ZNF670: variants seen among roughly 807,000 people sequenced by gnomAD.
ZNF670 encodes the protein zinc finger protein 670.
ZNF670 carries 7 observed loss-of-function variants against 10.9 expected under a neutral mutation model. The observed-to-expected ratio is 0.64, with a 90% CI of 0.36 to 1.20. ZNF670 has a LOEUF of 1.20. Among genes scored for constraint, ZNF670 ranks in the 50% most tolerant of loss-of-function variants. The probability of loss-of-function intolerance (pLI) is 0.02; values close to 1 mark genes in which losing one functional copy is unlikely to be tolerated. For synonymous variants in ZNF670, 136 were observed against 152.7 expected, an observed-to-expected ratio of 0.89 and a Z score of 0.81; for missense variants, 446 against 458.6, an observed-to-expected ratio of 0.97 and a Z score of 0.25.
intron 1 of ZNF670, chr1:247,043,456 TGAA>T: frequency 1.6e-6 from 1 of 623,350 alleles, no homozygotes; most frequent in Non-Finnish European, 2.8e-6. Context: ...AAAAAAACTT[TGAA>T]GAATATGCCT....
intron 1 of ZNF670, among the ~76,000 whole-genome samples, chr1:247,057,304 T>C (rs1035482841): frequency 6.6e-6 from 1 of 152,166 alleles, no homozygotes; most frequent in African/African-American, 2.4e-5. Context: ...TGATGAGATA[T>C]CTCATTCCCA....
intron 1 of ZNF670, among the ~76,000 whole-genome samples, chr1:247,045,944 T>G (rs1399247627): frequency 6.6e-6 from 1 of 152,174 alleles, no homozygotes; most frequent in Non-Finnish European, 1.5e-5. Flanking sequence ...TGTTACACCC[T>G]GGCAAAGACT....
chr1:247,038,507 T>C (rs1053926320), intron 3 of ZNF670, 80 bp from the exon 4 acceptor site: 290 of 1,381,344 alleles, frequency 2.1e-4, no homozygotes, highest in East Asian at 6.7e-4. Flanking sequence ...AATGCAAGTT[T>C]CCTGCCATAT....
At chr1:247,062,347 G>T (rs12066972) in intron 1 of ZNF670, among the ~76,000 whole-genome samples, 26,212 of 151,942 alleles carry the variant, frequency 0.17, 2,392 homozygotes, top group Middle Eastern at 0.27. Flanking sequence ...ATGTTTAGGG[G>T]AAATAAAAAG....
intron 1 of ZNF670, among the ~76,000 whole-genome samples, chr1:247,074,865 C>G (rs1671217777): frequency 6.6e-6 from 1 of 152,150 alleles, no homozygotes; most frequent in Non-Finnish European, 1.5e-5. Context: ...TGCTCCATGG[C>G]CCAGGGGTTG....
chr1:247,037,142 T>G lies in ZNF670; in HGVS notation c.*307A>C, dbSNP rs546017313. On this transcript the variant is annotated 3_prime_UTR_variant, in exon 4 of 4. Coordinates refer to ENST00000366503, the MANE Select transcript of ZNF670 (RefSeq NM_033213.5). ...AGCTCCATGATTCCCTGCAAAAAACTGAAAATCTAAAGTATAGACACCTTC... is the reference window on the plus strand; with the variant it reads ...AGCTCCATGATTCCCTGCAAAAAACGGAAAATCTAAAGTATAGACACCTTC... The G allele has an allele frequency of 1.6e-4, 38 of 239,028 alleles. No homozygotes were observed. The highest frequency in any genetic ancestry group is 3.0e-3 in the Middle Eastern group (2 of 662). 14.8% of individuals were successfully genotyped at this position (239,028 alleles called of 1,614,324 possible). A position where few individuals can be genotyped will look rare whatever the true frequency, so the allele number is the denominator to read the frequency against.
intron 1 of ZNF670, among the ~76,000 whole-genome samples, chr1:247,062,035 G>C (rs1484126212): frequency 7.2e-5 from 11 of 152,208 alleles, no homozygotes; most frequent in Non-Finnish European, 1.6e-4. Context: ...GAGTACTCTA[G>C]GGGTTGCCGA....
intron 1 of ZNF670, chr1:247,043,729 C>T (rs1670373678): frequency 4.6e-6 from 2 of 433,296 alleles, no homozygotes; most frequent in African/African-American, 4.1e-5. Flanking sequence ...ACCGCAGAGC[C>T]CTTTTAGCGT....
intron 1 of ZNF670, among the ~76,000 whole-genome samples, chr1:247,062,323 G>T (rs567629334): frequency 1.2e-3 from 184 of 152,084 alleles, no homozygotes; most frequent in Non-Finnish European, 2.3e-3. Flanking sequence ...CAAAAGAGCA[G>T]AAATTTATTC....
At chr1:247,074,714 T>G (rs530608813) in intron 1 of ZNF670, among the ~76,000 whole-genome samples, 1 of 152,148 alleles carries the variant, frequency 6.6e-6, no homozygotes, top group South Asian at 2.1e-4. Flanking sequence ...CATGCACAGT[T>G]CACAGTAGGG....
At position 247,037,614 on chromosome 1, in the gene ZNF670, T is replaced by C. The variant is rs975387651; in HGVS notation, c.1005A>G (p.Lys335=). The part of the protein sequence containing the change: ...CEHERTHTGV[K]PYGCKECGKS... Reference sequence around the variant, plus strand: ...TACCACATTCCTTACATCCATAAGGTTTCACTCCAGTGTGAGTTCTTTCAT... The same window carrying C: ...TACCACATTCCTTACATCCATAAGGCTTCACTCCAGTGTGAGTTCTTTCAT... The change falls in exon 4 of 4, where the codon AAA becomes AAG. Residue 335 remains lysine (K), a synonymous_variant. Coordinates refer to ENST00000366503, the MANE Select transcript of ZNF670 (RefSeq NM_033213.5). 3.1e-6 allele frequency: 5 copies of C among 1,613,976 alleles called. No individual in the cohort carries two copies. Among genetic ancestry groups the C allele is most frequent in the Admixed American group, 1.7e-5 (1 of 59,992 alleles).
intron 1 of ZNF670, among the ~76,000 whole-genome samples, chr1:247,042,453 C>G (rs1465774868): frequency 6.6e-6 from 1 of 152,130 alleles, no homozygotes; most frequent in African/African-American, 2.4e-5. Context: ...TCCATTAGGT[C>G]AGGCCTTTCA....
At chr1:247,055,343 A>T (rs1219046434) in intron 1 of ZNF670, among the ~76,000 whole-genome samples, 3 of 152,220 alleles carry the variant, frequency 2.0e-5, no homozygotes, top group Non-Finnish European at 4.4e-5. Flanking sequence ...AGGTCCCAGG[A>T]CAAGCTCTCA....
At position 247,078,767 on chromosome 1, in the gene ZNF670, C is replaced by CA. The variant is rs1671318545; in HGVS notation, c.-172dup. On this transcript the variant is annotated 5_prime_UTR_variant, in exon 1 of 4. Transcript: ENST00000366503. ...GCGCTGCCCAACACAAAAGCCGCGCCAGGTCCCGGAAGCTGCTCCCTCCTT... is the reference window on the plus strand; with the variant it reads ...GCGCTGCCCAACACAAAAGCCGCGCCAAGGTCCCGGAAGCTGCTCCCTCCTT... 1.5e-6 allele frequency: 1 copy of CA among 685,044 alleles called. No homozygotes were observed. Among genetic ancestry groups the CA allele is most frequent in the East Asian group, 2.9e-5 (1 of 34,690 alleles). The allele number at this position is 685,044 out of a possible 1,614,324, so 42.4% of individuals were successfully genotyped here. A position where few individuals can be genotyped will look rare whatever the true frequency, so the allele number is the denominator to read the frequency against.
In ZNF670 at chr1:247,037,848, T is replaced by C. The variant is rs751744636; in HGVS notation, c.771A>G (p.Glu257=). ...HTGEKPYECK[E]CGKAFSRSTY... is the part of the protein sequence containing the mutation. ...TGGAACGACTGAAGGCTTTGCCACATTCCTTACATTCATAGGGTTTCTCTC... is the reference window on the plus strand; with the variant it reads ...TGGAACGACTGAAGGCTTTGCCACACTCCTTACATTCATAGGGTTTCTCTC... The change falls in exon 4 of 4, where the codon GAA becomes GAG. Residue 257 remains glutamate (E), a synonymous_variant. Coordinates refer to ENST00000366503, the MANE Select transcript of ZNF670 (RefSeq NM_033213.5). The C allele has an allele frequency of 1.2e-5, 20 of 1,613,512 alleles. No individual in the cohort carries two copies. The highest frequency in any genetic ancestry group is 1.7e-5 in the Non-Finnish European group (20 of 1,179,840).
chr1:247,044,545 G>A (rs4971314), intron 1 of ZNF670, among the ~76,000 whole-genome samples: 37,035 of 151,968 alleles, frequency 0.24, 5,183 homozygotes, highest in African/African-American at 0.37. Flanking sequence ...TCAAAGACAC[G>A]GAATCAATCC....
Position 247,037,148 on chromosome 1 carries a change from T to G in ZNF670, c.*301A>C, listed in dbSNP as rs375590113. The G allele has an allele frequency of 1.2e-5, 3 of 248,338 alleles. No individual in the cohort carries two copies. In the East Asian group the frequency reaches 2.5e-4, roughly 21 times the overall value. 15.4% of individuals were successfully genotyped at this position (248,338 alleles called of 1,614,324 possible). A position where few individuals can be genotyped will look rare whatever the true frequency, so the allele number is the denominator to read the frequency against. On this transcript the variant is annotated 3_prime_UTR_variant, in exon 4 of 4. Transcript: ENST00000366503. ...ATGATTCCCTGCAAAAAACTGAAAA[T>G]CTAAAGTATAGACACCTTCTTTAAC... is the stretch of plus-strand genomic sequence containing the variant.
rs1572552148 is a variant in ZNF670, at chr1:247,035,486, T to C, written c.*1963A>G. ...TTGTTTAAATGCATCTGTGGAATGG[T>C]AGGCAACTGAAATATGTTAGGCTAC... On this transcript the variant is annotated 3_prime_UTR_variant, in exon 4 of 4. Transcript: ENST00000366503. 6.6e-6 allele frequency among the ~76,000 whole-genome samples: 1 copy of C among 152,296 alleles called. No homozygotes were observed. Among genetic ancestry groups the C allele is most frequent in the Non-Finnish European group, 1.5e-5 (1 of 68,024 alleles).
chr1:247,046,699 T>C (rs1033827528), intron 1 of ZNF670, among the ~76,000 whole-genome samples: 4 of 152,122 alleles, frequency 2.6e-5, no homozygotes, highest in African/African-American at 9.7e-5. Context: ...GTCCCCACAG[T>C]GGCACTGCCT....
Sources: gnomAD v4.1 joint callset for allele counts (sites outside exome capture counted in the v4.1 genomes callset) on GRCh38, gnomAD v4.1.1 for gene constraint, MANE v1.5 for transcripts, NCBI Gene and HGNC (gene_info 2026-07-23, HGNC 2026-07-21) for gene names.